Variants in CREB3L2 observed in about 807,000 individuals in gnomAD.
CREB3L2 encodes cyclic AMP-responsive element-binding protein 3-like protein 2.
CREB3L2 carries 23 observed loss-of-function variants against 57.2 expected under a neutral mutation model. The ratio of observed to expected loss-of-function variants is 0.40; its 90% CI spans 0.29 to 0.57. The LOEUF (loss-of-function observed/expected upper bound fraction) is 0.57. CREB3L2 is among the 20% of genes least tolerant of loss of function. The probability of loss-of-function intolerance (pLI) is 0.42; values close to 1 mark genes in which losing one functional copy is unlikely to be tolerated. For synonymous variants in CREB3L2, 268 were observed against 265.1 expected (o/e 1.01, Z -0.11); for missense variants, 628 against 634.7 (o/e 0.99, Z 0.11).
chr7:137,882,293 G>T, intron 11 of CREB3L2, 119 bp downstream of exon 11: 2 of 711,824 alleles, frequency 2.8e-6, no homozygotes, highest in Non-Finnish European at 4.8e-6. Flanking sequence ...AATAGGTCCT[G>T]AGAGAGCTGA....
chr7:137,991,233 G>A (rs1585681355), intron 1 of CREB3L2, among the ~76,000 whole-genome samples: 2 of 151,194 alleles, frequency 1.3e-5, no homozygotes, highest in African/African-American at 2.4e-5. Flanking sequence ...GCATGATCTC[G>A]GCTCAATGCA....
At position 137,969,566 on chromosome 7, in the gene CREB3L2, T is replaced by C. The variant is rs1008509717; in HGVS notation, c.102+32038A>G. Among the ~76,000 whole-genome samples, 6 of 152,062 alleles carry C rather than the reference T, an allele frequency of 3.9e-5. No individual in the cohort carries two copies. The South Asian group carries it at 1.2e-3, about 32-fold the overall frequency. On this transcript the variant is annotated intron_variant, in intron 1 of 11. Coordinates refer to ENST00000330387, the MANE Select transcript of CREB3L2 (RefSeq NM_194071.4). ...CGGGATTTCACCATGTTAACCGGGA[T>C]GGTCTCAATCTCCTGACCTCATGAT...
chr7:137,982,981 A>G (rs1397643661), intron 1 of CREB3L2, among the ~76,000 whole-genome samples: 1 of 152,204 alleles, frequency 6.6e-6, no homozygotes, highest in Non-Finnish European at 1.5e-5. Flanking sequence ...CCTAACCAGG[A>G]ACAGAATTAG....
chr7:137,938,005 A>G (rs1448721706), intron 1 of CREB3L2, among the ~76,000 whole-genome samples: 1 of 152,148 alleles, frequency 6.6e-6, no homozygotes, highest in Non-Finnish European at 1.5e-5. Flanking sequence ...TATTTTGTAA[A>G]AGGAGTCACC....
chr7:137,953,769 G>T (rs547022547), intron 1 of CREB3L2, among the ~76,000 whole-genome samples: 4 of 152,320 alleles, frequency 2.6e-5, no homozygotes, highest in African/African-American at 9.6e-5. Context: ...ACCGCTTGAT[G>T]CAAACTAGTT....
At chr7:137,931,256 T>C (rs922195130) in intron 1 of CREB3L2, among the ~76,000 whole-genome samples, 3 of 151,152 alleles carry the variant, frequency 2.0e-5, no homozygotes, top group African/African-American at 4.9e-5. Context: ...AGCACGGTGG[T>C]TCACGCCTGT....
intron 1 of CREB3L2, among the ~76,000 whole-genome samples, chr7:137,996,691 T>G (rs1012407830): frequency 6.6e-6 from 1 of 152,322 alleles, no homozygotes; most frequent in Non-Finnish European, 1.5e-5. Context: ...AGATGGCCTT[T>G]CCATCTGGAC....
chr7:137,994,619 T>C (rs1801956053), intron 1 of CREB3L2, among the ~76,000 whole-genome samples: 1 of 152,162 alleles, frequency 6.6e-6, no homozygotes, highest in Non-Finnish European at 1.5e-5. Context: ...CTTCTTTCAC[T>C]GGGCATTGGT....
chr7:137,885,123 T>A lies in CREB3L2; in HGVS notation c.1144-2A>T. ...AACGGCAAAGCACAGCACCACAACC[T>A]GTGGGAGAGAAAGAGGGGAGAGAGA... On this transcript the variant is annotated splice_acceptor_variant, in intron 9 of 11. Coordinates refer to ENST00000330387, the MANE Select transcript of CREB3L2 (RefSeq NM_194071.4). LOFTEE classifies it high-confidence loss of function. 3 of 1,613,786 alleles carry A rather than the reference T, an allele frequency of 1.9e-6. No individual in the cohort carries two copies. Among genetic ancestry groups the A allele is most frequent in the Non-Finnish European group, 2.5e-6 (3 of 1,179,868 alleles).
Position 137,880,373 on chromosome 7 carries a change from T to A in CREB3L2, c.*103A>T. 1.1e-6 allele frequency: 1 copy of A among 925,752 alleles called. No individual in the cohort carries two copies. Among genetic ancestry groups the A allele is most frequent in the Admixed American group, 2.0e-5 (1 of 49,642 alleles). The allele number at this position is 925,752 out of a possible 1,614,324, so 57.3% of individuals were successfully genotyped here. A position where few individuals can be genotyped will look rare whatever the true frequency, so the allele number is the denominator to read the frequency against. On this transcript the variant is annotated 3_prime_UTR_variant, in exon 12 of 12. Transcript: ENST00000330387. This position sits in a 1 kb window ranked among gnomAD's most constrained non-coding sequence, Gnocchi z 4.0. ...CTGAAGCCACTAATGCTTGCCCATG[T>A]CTCCATGAAGATCCAGTGGCAAAGA...
At chr7:137,913,314 T>G (rs1046965849) in intron 3 of CREB3L2, among the ~76,000 whole-genome samples, 2 of 151,982 alleles carry the variant, frequency 1.3e-5, no homozygotes, top group Admixed American at 6.6e-5. Context: ...GAGACCACCC[T>G]GGGTAACATA....
intron 1 of CREB3L2, among the ~76,000 whole-genome samples, chr7:137,971,343 G>T (rs1365506030): frequency 1.3e-5 from 2 of 152,066 alleles, no homozygotes; most frequent in Non-Finnish European, 2.9e-5. Context: ...CCAGCTACTC[G>T]GGAGGGTGAG....
intron 1 of CREB3L2, among the ~76,000 whole-genome samples, chr7:137,993,110 C>T (rs1399044784): frequency 6.6e-6 from 1 of 152,174 alleles, no homozygotes; most frequent in Non-Finnish European, 1.5e-5. Flanking sequence ...TAATGACAGG[C>T]TCTCTCCACT....
chr7:137,877,210 G>T lies in CREB3L2; in HGVS notation c.*3266C>A. 1 of 228,082 alleles carries T rather than the reference G, an allele frequency of 4.4e-6. No homozygotes were observed. Among genetic ancestry groups the T allele is most frequent in the Non-Finnish European group, 8.7e-6 (1 of 114,896 alleles). The allele number at this position is 228,082 out of a possible 1,614,324, so 14.1% of individuals were successfully genotyped here. A position where few individuals can be genotyped will look rare whatever the true frequency, so the allele number is the denominator to read the frequency against. On this transcript the variant is annotated 3_prime_UTR_variant, in exon 12 of 12. Coordinates refer to ENST00000330387, the MANE Select transcript of CREB3L2 (RefSeq NM_194071.4). ...AAAAAAAACATGGTAATTATAAGGG[G>T]TCTGTGAATAAGTTAAACTAAAAGC...
intron 8 of CREB3L2, among the ~76,000 whole-genome samples, chr7:137,889,611 T>C (rs1038306529): frequency 2.0e-5 from 3 of 152,234 alleles, no homozygotes; most frequent in African/African-American, 7.2e-5. Context: ...CCATTGCTTC[T>C]CCTACTGGTG....
intron 2 of CREB3L2, chr7:137,922,453 T>TATATATATATAC (rs1554498063): frequency 1.4e-5 from 1 of 72,578 alleles, no homozygotes; most frequent in African/African-American, 6.3e-5. Context: ...TATATATATA[T>TATATATATATAC]ACACACATAT....
intron 2 of CREB3L2, among the ~76,000 whole-genome samples, chr7:137,924,035 T>A (rs1189458190): frequency 6.6e-6 from 1 of 152,174 alleles, no homozygotes; most frequent in Non-Finnish European, 1.5e-5. Context: ...CAGACTACTG[T>A]GTTCATTCCC....
chr7:137,987,846 T>C (rs984063401), intron 1 of CREB3L2, among the ~76,000 whole-genome samples: 2 of 152,070 alleles, frequency 1.3e-5, no homozygotes, highest in South Asian at 4.1e-4. Flanking sequence ...CCACCACACC[T>C]TTCTCTACCT....
chr7:137,967,775 C>T (rs1287287648), intron 1 of CREB3L2, among the ~76,000 whole-genome samples: 1 of 152,298 alleles, frequency 6.6e-6, no homozygotes, highest in Admixed American at 6.5e-5. Context: ...TCCTAAGATC[C>T]TTCTAACCAC....
Sources: gnomAD v4.1 joint callset for allele counts (sites outside exome capture counted in the v4.1 genomes callset) on GRCh38, gnomAD v4.1.1 for gene constraint, Gnocchi (gnomAD v3.1) non-coding constraint, MANE v1.5 for transcripts, NCBI Gene and HGNC (gene_info 2026-07-23, HGNC 2026-07-21) for gene names.